Variants in VGLL4 observed in about 807,000 individuals in gnomAD.
VGLL4 encodes the protein vestigial like family member 4.
Under a neutral mutation model 21.0 loss-of-function variants are expected in VGLL4, and 7 were observed. The observed-to-expected ratio is 0.33, with a 90% CI of 0.19 to 0.63. The LOEUF (loss-of-function observed/expected upper bound fraction) is 0.63. Among genes scored for constraint, VGLL4 ranks in the 20% least tolerant of loss-of-function variants. The pLI is 0.78. For synonymous variants in VGLL4, 222 were observed against 173.2 expected (o/e 1.28, Z -2.21); for missense variants, 394 against 425.7 (o/e 0.93, Z 0.66).
chr3:11,632,770 G>A (rs967040821), intron 1 of VGLL4, among the ~76,000 whole-genome samples: 8 of 152,120 alleles, frequency 5.3e-5, no homozygotes, highest in African/African-American at 1.9e-4. Context: ...TTGCTCATCT[G>A]TCTCCCCTGC....
rs1463610561 is a variant in VGLL4, at chr3:11,557,136, G to A, written c.*1420C>T. ...GACACAGCACACCCCAGGGGGAGGG[G>A]ATAGAAACGCTCATTGACCAAAAAG... On this transcript the variant is annotated 3_prime_UTR_variant, in exon 5 of 5. Coordinates refer to ENST00000430365, the MANE Select transcript of VGLL4 (RefSeq NM_001128219.3). The A allele has an allele frequency of 6.6e-6, 1 of 152,636 alleles. No individual in the cohort carries two copies. Among genetic ancestry groups the A allele is most frequent in the Admixed American group, 6.5e-5 (1 of 15,278 alleles). 9.5% of individuals were successfully genotyped at this position (152,636 alleles called of 1,614,324 possible).
intron 2 of VGLL4, among the ~76,000 whole-genome samples, chr3:11,599,023 G>A (rs2074715329): frequency 2.0e-5 from 3 of 152,174 alleles, no homozygotes; most frequent in Admixed American, 2.0e-4. Flanking sequence ...GAGGGAGCAT[G>A]CTATAGCCCA....
At chr3:11,661,422 C>T (rs2076035856) in intron 2 of VGLL4, among the ~76,000 whole-genome samples, 1 of 144,588 alleles carries the variant, frequency 6.9e-6, no homozygotes. Flanking sequence ...AAGTTATGAA[C>T]CAACATTTTT....
intron 1 of VGLL4, among the ~76,000 whole-genome samples, chr3:11,628,670 T>A (rs954410090): frequency 2.7e-5 from 4 of 150,138 alleles, no homozygotes; most frequent in Non-Finnish European, 5.9e-5. Flanking sequence ...AATACAAACA[T>A]TTAGCCGGGC....
chr3:11,691,164 G>A (rs935395149), intron 2 of VGLL4, among the ~76,000 whole-genome samples: 7 of 150,964 alleles, frequency 4.6e-5, no homozygotes, highest in African/African-American at 1.5e-4. Context: ...GGTTGTTGTT[G>A]TTGTTGTTGT....
chr3:11,617,218 C>T (rs893246039), intron 1 of VGLL4, among the ~76,000 whole-genome samples: 1 of 152,052 alleles, frequency 6.6e-6, no homozygotes, highest in African/African-American at 2.4e-5. Flanking sequence ...GCATTCCAGG[C>T]AGGTACAAGA....
In VGLL4 at chr3:11,719,699, G is replaced by A. The variant is rs2076967022; in HGVS notation, c.-14+695C>T. On this transcript the variant is annotated intron_variant, in intron 1 of 5. Coordinates refer to the VGLL4 transcript ENST00000273038. The surrounding 1 kb of genome is among the most constrained non-coding windows in gnomAD (Gnocchi z 4.0). The stretch of plus-strand genomic sequence containing the variant: ...CCAGGCCAGCCAGGCCACGCCCTCG[G>A]TCACGCCCCTCACGGAGCAGGTGGG... 6.7e-6 allele frequency: 1 copy of A among 150,278 alleles called. No homozygotes were observed. The highest frequency in any genetic ancestry group is 2.5e-5 in the African/African-American group (1 of 40,794). 9.3% of individuals were successfully genotyped at this position (150,278 alleles called of 1,614,324 possible). A position where few individuals can be genotyped will look rare whatever the true frequency, so the allele number is the denominator to read the frequency against.
chr3:11,681,946 GT>G (rs2076377744), intron 2 of VGLL4, among the ~76,000 whole-genome samples: 1 of 152,196 alleles, frequency 6.6e-6, no homozygotes, highest in African/African-American at 2.4e-5. Context: ...TAAAGACAAA[GT>G]GGGACACAGT....
At chr3:11,685,607 AT>A (rs1363249998) in intron 2 of VGLL4, among the ~76,000 whole-genome samples, 25 of 152,312 alleles carry the variant, frequency 1.6e-4, no homozygotes, top group Middle Eastern at 3.4e-3. Context: ...TGGTAAAATG[AT>A]TTATATTCCT....
chr3:11,603,952 CT>C (rs2074867234), intron 1 of VGLL4, among the ~76,000 whole-genome samples: 1 of 152,238 alleles, frequency 6.6e-6, no homozygotes, highest in Admixed American at 6.5e-5. Flanking sequence ...AGTTTCCATC[CT>C]AGTAAAAATT....
At chr3:11,688,492 T>G (rs2076482087) in intron 2 of VGLL4, among the ~76,000 whole-genome samples, 1 of 152,248 alleles carries the variant, frequency 6.6e-6, no homozygotes, top group Admixed American at 6.5e-5. Flanking sequence ...CTATTTCATC[T>G]ACATTTTCCA....
chr3:11,572,989 G>A (rs781243414), intron 2 of VGLL4, among the ~76,000 whole-genome samples: 3 of 151,952 alleles, frequency 2.0e-5, no homozygotes, highest in South Asian at 2.1e-4. Context: ...CCAACATGGC[G>A]AATCCCCCTC....
intron 2 of VGLL4, among the ~76,000 whole-genome samples, chr3:11,577,355 G>T (rs1196185597): frequency 6.6e-6 from 1 of 152,164 alleles, no homozygotes; most frequent in African/African-American, 2.4e-5. Flanking sequence ...TCTCAACTTT[G>T]GGAGGCTGAG....
intron 1 of VGLL4, among the ~76,000 whole-genome samples, chr3:11,627,637 GATC>G (rs1225391723): frequency 4.0e-5 from 6 of 149,906 alleles, no homozygotes; most frequent in African/African-American, 1.5e-4. Flanking sequence ...CTGAGAATAA[GATC>G]ATCGCAGTAT....
At chr3:11,657,530 A>G (rs1272249994) in intron 2 of VGLL4, among the ~76,000 whole-genome samples, 1 of 104 alleles carries the variant, frequency 9.6e-3, no homozygotes, top group Non-Finnish European at 0.017. Flanking sequence ...CAATGGTGAG[A>G]GGATCTTAAC....
At chr3:11,658,779 A>T (rs2075992659) in intron 2 of VGLL4, among the ~76,000 whole-genome samples, 1 of 152,170 alleles carries the variant, frequency 6.6e-6, no homozygotes. Context: ...TCAGATATGC[A>T]CTTATAAAAC....
At chr3:11,665,134 GACGGAGTC>G (rs2076100483) in intron 2 of VGLL4, among the ~76,000 whole-genome samples, 5 of 72,294 alleles carry the variant, frequency 6.9e-5, no homozygotes, top group Admixed American at 6.6e-4. Context: ...TTTTTTTTGA[GACGGAGTC>G]TCGCTCTGTC....
At chr3:11,676,405 A>T (rs898502994) in intron 2 of VGLL4, among the ~76,000 whole-genome samples, 22 of 33,748 alleles carry the variant, frequency 6.5e-4, no homozygotes, top group Non-Finnish European at 8.9e-4. Context: ...AAAAAAAAAA[A>T]AAAAATAAAA....
intron 1 of VGLL4, among the ~76,000 whole-genome samples, chr3:11,628,542 CG>C (rs1259513651): frequency 6.6e-6 from 1 of 152,192 alleles, no homozygotes; most frequent in Admixed American, 6.5e-5. Flanking sequence ...CAATCTCGGC[CG>C]GGCGCGGTGG....
Sources: gnomAD v4.1 joint callset for allele counts (sites outside exome capture counted in the v4.1 genomes callset) on GRCh38, gnomAD v4.1.1 for gene constraint, Gnocchi (gnomAD v3.1) non-coding constraint, MANE v1.5 for transcripts, NCBI Gene and HGNC (gene_info 2026-07-23, HGNC 2026-07-21) for gene names.